Variants in IARS2 observed in about 807,000 individuals in gnomAD.
IARS2 encodes isoleucine--tRNA ligase, mitochondrial.
In IARS2, 56 loss-of-function variants were observed where a neutral mutation model predicts 126.3. That is an observed-to-expected ratio of 0.44 (90% CI 0.36 to 0.55). The LOEUF (loss-of-function observed/expected upper bound fraction) is 0.55, where lower values mean the gene tolerates loss of function less well. Ranked by LOEUF, IARS2 falls within the 20% of genes least tolerant of loss-of-function variation. IARS2 has a pLI of 0.00. For missense variants in IARS2, 1,127 were observed against 1,245.9 expected (o/e 0.90, Z 1.44); for synonymous variants, 407 against 441.1 (o/e 0.92, Z 0.97).
rs1657626082 is a variant in IARS2, at chr1:220,147,500, T to TA, written c.2905dup (p.Ile969AsnfsTer3). ...TCATGTATTTTTTTATAGGTGGTGATATTCGTGAAGAGTCTTCCTATAAAG... is the reference window on the plus strand; with the variant it reads ...TCATGTATTTTTTTATAGGTGGTGATAATTCGTGAAGAGTCTTCCTATAAAG... On this transcript the variant is annotated frameshift_variant, in exon 23 of 23. Transcript: ENST00000366922. LOFTEE classifies it high-confidence loss of function. 6.2e-7 allele frequency: 1 copy of TA among 1,614,058 alleles called. No homozygotes were observed. Among genetic ancestry groups the TA allele is most frequent in the Non-Finnish European group, 8.5e-7 (1 of 1,179,904 alleles).
Position 220,134,453 on chromosome 1 carries a change from G to A in IARS2, c.1889G>A (p.Gly630Asp). 10 of 1,613,418 alleles carry A rather than the reference G, an allele frequency of 6.2e-6. No individual in the cohort carries two copies. Among genetic ancestry groups the A allele is most frequent in the Non-Finnish European group, 8.5e-6 (10 of 1,179,718 alleles). Residue 630 changes from glycine to aspartate, a missense_variant, in exon 15 of 23, where the codon GGT (glycine) becomes GAT (aspartate). Coordinates refer to ENST00000366922, the MANE Select transcript of IARS2 (RefSeq NM_018060.4). ...LYLEGKDQLG[G>D]WFQSSLLTSV... is the part of the protein sequence containing the mutation. ...TTGGAAGGAAAAGACCAGCTCGGGG[G>A]TTGGTTTCAGTCATCCTTATTAACA...
At chr1:220,143,282 A>G in intron 21 of IARS2, 148 bp downstream of exon 21, 1 of 444,742 alleles carries the variant, frequency 2.2e-6, no homozygotes, top group Middle Eastern at 5.5e-4. Context: ...TCCTTTTCAC[A>G]TACTTTTTCA....
chr1:220,144,109 A>G (rs1248460102), intron 21 of IARS2: 4 of 906,298 alleles, frequency 4.4e-6, no homozygotes, highest in Non-Finnish European at 7.3e-6. Context: ...TTTGCTTTGC[A>G]CATCAAATCT....
intron 15 of IARS2, among the ~76,000 whole-genome samples, chr1:220,136,093 C>G (rs774175293): frequency 6.6e-6 from 1 of 152,042 alleles, no homozygotes; most frequent in Non-Finnish European, 1.5e-5. Flanking sequence ...TTGTGTAAGT[C>G]GAGAGTTAAC....
At chr1:220,122,129 G>A (rs755487129) in intron 12 of IARS2, among the ~76,000 whole-genome samples, 1 of 151,986 alleles carries the variant, frequency 6.6e-6, no homozygotes, top group Non-Finnish European at 1.5e-5. Flanking sequence ...AAATGGATAT[G>A]TTTCATCTAT....
chr1:220,120,535 C>T (rs1657020588), intron 12 of IARS2, among the ~76,000 whole-genome samples: 1 of 152,012 alleles, frequency 6.6e-6, no homozygotes, highest in Non-Finnish European at 1.5e-5. Context: ...CACCACCATA[C>T]CTGGGTAATT....
At chr1:220,128,514 A>G (rs1044507499) in intron 14 of IARS2, among the ~76,000 whole-genome samples, 5 of 152,208 alleles carry the variant, frequency 3.3e-5, no homozygotes, top group African/African-American at 1.2e-4. Context: ...TGATGTTCAC[A>G]CAGTGATGAA....
intron 12 of IARS2, among the ~76,000 whole-genome samples, chr1:220,117,467 T>G (rs890005748): frequency 1.3e-5 from 2 of 152,072 alleles, no homozygotes; most frequent in African/African-American, 4.8e-5. Flanking sequence ...CCCAAAGTGC[T>G]GGGATTACAG....
intron 12 of IARS2, chr1:220,118,273 A>G (rs1656969246): frequency 2.3e-6 from 1 of 438,898 alleles, no homozygotes; most frequent in Middle Eastern, 6.2e-4. Flanking sequence ...TTTGCTCATC[A>G]TGGGAGCTGT....
intron 14 of IARS2, among the ~76,000 whole-genome samples, chr1:220,127,951 A>G (rs1006230856): frequency 3.9e-5 from 6 of 152,144 alleles, no homozygotes; most frequent in African/African-American, 1.2e-4. Context: ...AAGTTTAGGT[A>G]CTTGGTTTCC....
chr1:220,138,976 T>C (rs756370536), intron 17 of IARS2, 32 bp from the exon 18 acceptor site: 2 of 1,590,162 alleles, frequency 1.3e-6, no homozygotes, highest in Admixed American at 1.8e-5. Flanking sequence ...ATTAGATTTT[T>C]TTAACTGCAT....
At chr1:220,139,196 A>G (rs1657440281) in intron 18 of IARS2, 57 bp downstream of exon 18, 16 of 1,468,698 alleles carry the variant, frequency 1.1e-5, no homozygotes, top group Middle Eastern at 1.8e-4. Context: ...ATTGTAGGTT[A>G]AAATTTTAGT....
chr1:220,103,390 A>T (rs180778204), intron 7 of IARS2, 57 bp from the exon 8 acceptor site: 215 of 1,012,690 alleles, frequency 2.1e-4, no homozygotes, highest in Non-Finnish European at 3.1e-4. Flanking sequence ...AATTAAAATG[A>T]TATCTGTGGC....
In IARS2 at chr1:220,094,244, C is replaced by G; in HGVS notation, c.28C>G (p.Pro10Ala). 1 of 1,595,986 alleles carries G rather than the reference C, an allele frequency of 6.3e-7. No individual in the cohort carries two copies. Among genetic ancestry groups the G allele is most frequent in the South Asian group, 1.1e-5 (1 of 89,400 alleles). Residue 10 changes from proline (P) to alanine (A), a missense_variant, in exon 1 of 23, where the codon CCG (proline) becomes GCG (alanine). Transcript: ENST00000366922. ...GCGTTGGGGGCTGCGCCCTCGCGGG[C>G]CGGGCGCGGCCGCCCTGGCCACTGC... Reference protein sequence around the residue: MRWGLRPRGPGAAALATARS... With the variant: MRWGLRPRGAGAAALATARS...
intron 2 of IARS2, among the ~76,000 whole-genome samples, chr1:220,097,372 T>C (rs1299991807): frequency 1.3e-5 from 2 of 150,652 alleles, no homozygotes; most frequent in Non-Finnish European, 3.0e-5. Context: ...TTTCTTTTTT[T>C]TTTTTTTTTG....
intron 14 of IARS2, among the ~76,000 whole-genome samples, chr1:220,129,374 A>T (rs1194889106): frequency 1.3e-5 from 2 of 151,322 alleles, no homozygotes; most frequent in African/African-American, 4.9e-5. Flanking sequence ...GGAACATTTT[A>T]TATCTTCTCT....
chr1:220,099,435 AT>A (rs1656520397), intron 2 of IARS2, among the ~76,000 whole-genome samples: 1 of 152,216 alleles, frequency 6.6e-6, no homozygotes. Context: ...CATGTTTGAA[AT>A]CAGGTATATA....
intron 11 of IARS2, among the ~76,000 whole-genome samples, 179 bp downstream of exon 11, chr1:220,111,116 T>C (rs1470699079): frequency 1.3e-5 from 2 of 152,320 alleles, no homozygotes; most frequent in East Asian, 1.9e-4. Flanking sequence ...TTTTTCATTA[T>C]ACATGTGTGA....
intron 10 of IARS2, among the ~76,000 whole-genome samples, chr1:220,107,989 C>A (rs545028821): frequency 1.3e-5 from 2 of 152,288 alleles, no homozygotes; most frequent in African/African-American, 4.8e-5. Flanking sequence ...ACCTCTGTGT[C>A]CTGGGTTCAA....
Sources: allele counts gnomAD v4.1 joint callset (sites outside exome capture counted in the v4.1 genomes callset), GRCh38; gene constraint gnomAD v4.1.1; transcripts MANE v1.5; gene names NCBI Gene and HGNC (gene_info 2026-07-23, HGNC 2026-07-21).